The following ARSB variants were observed in gnomAD, a reference collection of about 807,000 sequenced individuals.
ARSB encodes N-acetylgalactosamine-4-sulfatase.
A neutral mutation model predicts 50.9 loss-of-function variants in ARSB; 41 were observed. The ratio of observed to expected loss-of-function variants is 0.81; its 90% CI spans 0.63 to 1.04. ARSB has a LOEUF of 1.04. ARSB is among the 50% of genes least tolerant of loss of function. The probability of loss-of-function intolerance (pLI) is 0.00; values close to 1 mark genes in which losing one functional copy is unlikely to be tolerated. For synonymous variants in ARSB, 269 were observed against 284.8 expected, an observed-to-expected ratio of 0.94 and a Z score of 0.56; for missense variants, 672 against 693.3, an observed-to-expected ratio of 0.97 and a Z score of 0.35.
At chr5:78,839,499 C>A in intron 5 of ARSB, 73 bp from the exon 6 acceptor site, 1 of 1,367,134 alleles carries the variant, frequency 7.3e-7, no homozygotes, top group Non-Finnish European at 1.0e-6. Context: ...TACTTCCCTT[C>A]CTTGTACTTA....
intron 6 of ARSB, among the ~76,000 whole-genome samples, chr5:78,817,776 T>C (rs1357508995): frequency 6.6e-6 from 1 of 152,054 alleles, no homozygotes; most frequent in Non-Finnish European, 1.5e-5. Context: ...GCCACTGTAC[T>C]CCAGCCTGGG....
At chr5:78,852,734 T>TTC (rs1286312301) in intron 5 of ARSB, among the ~76,000 whole-genome samples, 6 of 152,126 alleles carry the variant, frequency 3.9e-5, no homozygotes, top group African/African-American at 1.4e-4. Context: ...AGTCCCATAT[T>TTC]TCTTGGAGGC....
intron 4 of ARSB, among the ~76,000 whole-genome samples, chr5:78,946,548 A>G (rs191805531): frequency 4.6e-5 from 7 of 152,336 alleles, no homozygotes; most frequent in Admixed American, 3.3e-4. Context: ...AGGAATAAGT[A>G]GTAAGTAGAT....
intron 4 of ARSB, among the ~76,000 whole-genome samples, chr5:78,911,485 A>G (rs1749303123): frequency 6.8e-6 from 1 of 148,060 alleles, no homozygotes; most frequent in South Asian, 2.2e-4. Flanking sequence ...GAGGCACTAG[A>G]ATCGCTTGAA....
At chr5:78,948,864 T>C (rs1169043422) in intron 4 of ARSB, among the ~76,000 whole-genome samples, 2 of 152,188 alleles carry the variant, frequency 1.3e-5, no homozygotes, top group Admixed American at 1.3e-4. Flanking sequence ...GTTCTCAAAT[T>C]TCTGTGTACA....
At chr5:78,957,521 G>A (rs1751783733) in intron 3 of ARSB, among the ~76,000 whole-genome samples, 1 of 152,258 alleles carries the variant, frequency 6.6e-6, no homozygotes, top group Non-Finnish European at 1.5e-5. Context: ...AACTAAGGAC[G>A]CAGCTGATGG....
At chr5:78,984,698 C>T (rs1001622927) in intron 1 of ARSB, among the ~76,000 whole-genome samples, 9 of 152,112 alleles carry the variant, frequency 5.9e-5, no homozygotes, top group African/African-American at 1.9e-4. Flanking sequence ...AGCCACCCGC[C>T]CAACCCGGCG....
chr5:78,809,365 A>G lies in ARSB; in HGVS notation c.1214-27391T>C, dbSNP rs137871256. Among the ~76,000 whole-genome samples the G allele has an allele frequency of 7.2e-5, 11 of 152,390 alleles. No homozygotes were observed. In the East Asian group the frequency reaches 1.9e-3, roughly 27 times the overall value. ...AGGTCACTTGGGCAACGGGAACAGC[A>G]TGAGGAAAAGCACGGCAGCACATTG... On this transcript the variant is annotated intron_variant, in intron 6 of 7. Transcript: ENST00000264914.
chr5:78,985,224 A>G lies in ARSB; in HGVS notation c.25T>C (p.Leu9=), dbSNP rs896185299. Residue 9 remains leucine (L), a synonymous_variant, in exon 1 of 8, where the codon TTG becomes CTG. Coordinates refer to ENST00000264914, the MANE Select transcript of ARSB (RefSeq NM_000046.5). ...CGCCGAGGTCCGGGGCCTCGGGGCA[A>G]GCTCGCCGCGCCGCGCGGACCCATC... is the stretch of plus-strand genomic sequence containing the variant. MGPRGAAS[L]PRGPGPRRLL... is the part of the protein sequence containing the mutation. 3.7e-6 allele frequency: 5 copies of G among 1,334,812 alleles called. No individual in the cohort carries two copies. The highest frequency in any genetic ancestry group is 4.8e-6 in the Non-Finnish European group (5 of 1,049,100). 82.7% of individuals were successfully genotyped at this position (1,334,812 alleles called of 1,614,324 possible). A position where few individuals can be genotyped will look rare whatever the true frequency, so the allele number is the denominator to read the frequency against.
chr5:78,936,494 AGAG>A (rs1750608721), intron 4 of ARSB, among the ~76,000 whole-genome samples: 1 of 145,200 alleles, frequency 6.9e-6, no homozygotes, highest in Non-Finnish European at 1.5e-5. Context: ...AAAAAAAAAA[AGAG>A]GGGTGGGGAA....
rs141022227 is a variant in ARSB, at chr5:78,962,393, G to A, written c.690+2023C>T. The stretch of plus-strand genomic sequence containing the variant: ...TGTATTTCCACATATTTGAGAGAAT[G>A]TTCCCATTTCTTCGTGTTCCACAGA... On this transcript the variant is annotated intron_variant, in intron 3 of 7. Coordinates refer to ENST00000264914, the MANE Select transcript of ARSB (RefSeq NM_000046.5). Among the ~76,000 whole-genome samples the A allele has an allele frequency of 1.7e-3, 256 of 152,256 alleles. 7 individuals are homozygous for A. The East Asian group carries it at 0.041, about 25-fold the overall frequency.
intron 6 of ARSB, among the ~76,000 whole-genome samples, chr5:78,812,643 T>G (rs1265899407): frequency 6.9e-6 from 1 of 144,136 alleles, no homozygotes. Flanking sequence ...GATATCACAA[T>G]TTAGCATTAA....
chr5:78,961,075 T>C (rs865843104), intron 3 of ARSB, among the ~76,000 whole-genome samples: 10 of 152,228 alleles, frequency 6.6e-5, no homozygotes, highest in African/African-American at 2.2e-4. Context: ...TCCTCTTAAG[T>C]GCTTTTTAAA....
chr5:78,847,453 G>A (rs747836413), intron 5 of ARSB, among the ~76,000 whole-genome samples: 1 of 152,074 alleles, frequency 6.6e-6, no homozygotes, highest in Non-Finnish European at 1.5e-5. Context: ...ATGTGTTGCT[G>A]GATTCAGTTT....
chr5:78,798,157 T>C (rs114317525), intron 6 of ARSB, among the ~76,000 whole-genome samples: 293 of 152,298 alleles, frequency 1.9e-3, no homozygotes, highest in African/African-American at 6.4e-3. Flanking sequence ...GATGAGCTGG[T>C]AACAACAAAG....
At chr5:78,892,247 T>A (rs1748335140) in intron 4 of ARSB, among the ~76,000 whole-genome samples, 2 of 144,458 alleles carry the variant, frequency 1.4e-5, no homozygotes, top group African/African-American at 5.5e-5. Context: ...CATTCTCTAT[T>A]CTTTTTTTTT....
intron 4 of ARSB, among the ~76,000 whole-genome samples, chr5:78,904,584 AT>A (rs1402222031): frequency 6.6e-6 from 1 of 151,698 alleles, no homozygotes; most frequent in Non-Finnish European, 1.5e-5. Context: ...AATGACATAA[AT>A]GCTAGACCTT....
intron 6 of ARSB, among the ~76,000 whole-genome samples, chr5:78,798,795 T>C (rs1257735795): frequency 6.6e-6 from 1 of 152,206 alleles, no homozygotes; most frequent in Non-Finnish European, 1.5e-5. Context: ...GAGCCCATAC[T>C]GGGGTAGCAG....
At chr5:78,864,629 A>G (rs1023267155) in intron 5 of ARSB, among the ~76,000 whole-genome samples, 1 of 152,138 alleles carries the variant, frequency 6.6e-6, no homozygotes, top group Admixed American at 6.5e-5. Flanking sequence ...ACAGTCCCCC[A>G]AAGTCTTAAC....
Sources: gnomAD v4.1 joint callset for allele counts (sites outside exome capture counted in the v4.1 genomes callset) on GRCh38, gnomAD v4.1.1 for gene constraint, MANE v1.5 for transcripts, NCBI Gene and HGNC (gene_info 2026-07-23, HGNC 2026-07-21) for gene names.